The following PRKD1 variants were observed in gnomAD, a reference collection of about 807,000 sequenced individuals.
The protein encoded by PRKD1 is serine/threonine-protein kinase D1.
A neutral mutation model predicts 95.9 loss-of-function variants in PRKD1; 63 were observed. The observed-to-expected ratio is 0.66, with a 90% CI of 0.54 to 0.81. The LOEUF (loss-of-function observed/expected upper bound fraction) is 0.81. Ranked by LOEUF, PRKD1 falls within the 30% of genes least tolerant of loss-of-function variation. The pLI, the probability that PRKD1 is intolerant of heterozygous loss-of-function variation, is 0.00. For missense variants in PRKD1, 1,048 were observed against 1,165.3 expected, an observed-to-expected ratio of 0.90 and a Z score of 1.47; for synonymous variants, 425 against 423.1, an observed-to-expected ratio of 1.00 and a Z score of -0.05.
At chr14:29,717,155 ATTGAT>A (rs1464488777) in intron 2 of PRKD1, among the ~76,000 whole-genome samples, 3 of 152,306 alleles carry the variant, frequency 2.0e-5, no homozygotes, top group African/African-American at 7.2e-5. Context: ...TGTACATTTC[ATTGAT>A]TTAAGGATTC....
chr14:29,642,577 GT>G (rs997549166), intron 4 of PRKD1, among the ~76,000 whole-genome samples: 1 of 152,090 alleles, frequency 6.6e-6, no homozygotes, highest in African/African-American at 2.4e-5. Flanking sequence ...ATTATACAAA[GT>G]AAAGAGATTT....
intron 1 of PRKD1, among the ~76,000 whole-genome samples, chr14:29,727,651 A>G (rs1886226573): frequency 1.3e-5 from 2 of 151,606 alleles, no homozygotes. Context: ...TTAAATAGGG[A>G]ATCCTTTCCC....
At position 29,577,138 on chromosome 14, in the gene PRKD1, T is replaced by C; in HGVS notation, c.*100A>G. 1 of 1,245,694 alleles carries C rather than the reference T, an allele frequency of 8.0e-7. No homozygotes were observed. Among genetic ancestry groups the C allele is most frequent in the South Asian group, 1.3e-5 (1 of 75,120 alleles). The allele number at this position is 1,245,694 out of a possible 1,614,324, so 77.2% of individuals were successfully genotyped here. On this transcript the variant is annotated 3_prime_UTR_variant, in exon 18 of 18. Transcript: ENST00000331968. ...TAACAGTTTAACAGCTTTGTTCTCATCTGACAGAAAATAATGGCAGTTCTG... is the reference window on the plus strand; with the variant it reads ...TAACAGTTTAACAGCTTTGTTCTCACCTGACAGAAAATAATGGCAGTTCTG...
Position 29,639,045 on chromosome 14 carries a change from A to G in PRKD1, c.697-141T>C, listed in dbSNP as rs926629864. 3 of 621,854 alleles carry G rather than the reference A, an allele frequency of 4.8e-6. No individual in the cohort carries two copies. In the South Asian group the frequency reaches 8.9e-5, roughly 18 times the overall value. The allele number at this position is 621,854 out of a possible 1,614,324, so 38.5% of individuals were successfully genotyped here. ...ATGAAATCATACTGTATTTCTGTTAATTAATATAATTTACTTGCCTTCCCC... is the reference window on the plus strand; with the variant it reads ...ATGAAATCATACTGTATTTCTGTTAGTTAATATAATTTACTTGCCTTCCCC... On this transcript the variant is annotated intron_variant, in intron 4 of 17. Coordinates refer to ENST00000331968, the MANE Select transcript of PRKD1 (RefSeq NM_002742.3).
At chr14:29,624,388 G>T in intron 12 of PRKD1, 130 bp from the exon 13 acceptor site, 2 of 512,672 alleles carry the variant, frequency 3.9e-6, no homozygotes, top group Admixed American at 3.8e-5. Flanking sequence ...TTTCTAAAGA[G>T]CACTGACTTA....
chr14:29,715,557 T>C (rs1207379743), intron 2 of PRKD1, among the ~76,000 whole-genome samples: 1 of 152,114 alleles, frequency 6.6e-6, no homozygotes, highest in Non-Finnish European at 1.5e-5. Flanking sequence ...TTGTAACAAA[T>C]AGACAAAATA....
chr14:29,628,905 CA>C lies in PRKD1; in HGVS notation c.1725+135del, dbSNP rs538386129. On this transcript the variant is annotated intron_variant, in intron 11 of 17. Coordinates refer to ENST00000331968, the MANE Select transcript of PRKD1 (RefSeq NM_002742.3). ...ATAATTTAATATTTCTAAAATATCA[CA>C]AAAAAATATCCAAATTCTATTTTGC... 4.6e-3 allele frequency: 1,431 copies of C among 308,040 alleles called. 17 individuals are homozygous for C. The African/African-American group carries it at 0.078, about 17-fold the overall frequency. The allele number at this position is 308,040 out of a possible 1,614,324, so 19.1% of individuals were successfully genotyped here.
intron 4 of PRKD1, among the ~76,000 whole-genome samples, chr14:29,643,970 A>T (rs941270355): frequency 6.6e-6 from 1 of 152,222 alleles, no homozygotes; most frequent in Non-Finnish European, 1.5e-5. Context: ...ACTTTAGCAT[A>T]CACGCCAACA....
In PRKD1 at chr14:29,725,613, G is replaced by T; in HGVS notation, c.326C>A (p.Thr109Asn). 6.2e-7 allele frequency: 1 copy of T among 1,613,740 alleles called. No individual in the cohort carries two copies. Among genetic ancestry groups the T allele is most frequent in the Non-Finnish European group, 8.5e-7 (1 of 1,179,742 alleles). Residue 109 changes from threonine to asparagine, a missense_variant, in exon 2 of 18, where the codon ACC becomes AAC. By Grantham distance (65) the Thr-to-Asn change is moderately conservative. Coordinates refer to ENST00000331968, the MANE Select transcript of PRKD1 (RefSeq NM_002742.3). ...DKILLFRHDP[T>N]SENILQLVKA... ...CACCAGCTGAAGGATGTTTTCAGAG[G>T]TAGGGTCATGGCGAAAAAGCAGGAT...
chr14:29,732,284 T>C (rs1886479301), intron 1 of PRKD1, among the ~76,000 whole-genome samples: 1 of 152,154 alleles, frequency 6.6e-6, no homozygotes, highest in Admixed American at 6.5e-5. Context: ...TTTTTGTTAC[T>C]TTTTTTCCTT....
chr14:29,816,846 C>T lies in PRKD1; in HGVS notation c.265-91172G>A, dbSNP rs76700717. ...AATGGTTCCCACATATTGAAATGTC[C>T]TCAAATTCCTGGAATTCTAAGAGAC... On this transcript the variant is annotated intron_variant, in intron 1 of 17. Coordinates refer to ENST00000331968, the MANE Select transcript of PRKD1 (RefSeq NM_002742.3). Among the ~76,000 whole-genome samples, 1,735 of 152,194 alleles carry T rather than the reference C, an allele frequency of 0.011. 93 individuals are homozygous for T. In the East Asian group the frequency reaches 0.16, roughly 14 times the overall value.
chr14:29,730,358 T>C (rs1425641270), intron 1 of PRKD1, among the ~76,000 whole-genome samples: 1 of 151,762 alleles, frequency 6.6e-6, no homozygotes, highest in Non-Finnish European at 1.5e-5. Context: ...AAAAACAAAA[T>C]GAACAGATAA....
At chr14:29,857,123 T>C (rs1892535667) in intron 1 of PRKD1, among the ~76,000 whole-genome samples, 2 of 152,156 alleles carry the variant, frequency 1.3e-5, no homozygotes, top group Admixed American at 1.3e-4. Context: ...TTCAGGACTG[T>C]AGTAAAGACC....
intron 1 of PRKD1, among the ~76,000 whole-genome samples, chr14:29,858,574 A>C (rs1238294675): frequency 6.6e-6 from 1 of 152,080 alleles, no homozygotes; most frequent in African/African-American, 2.4e-5. Context: ...TCACTTCGAA[A>C]CACTAGAGAT....
chr14:29,905,761 C>T (rs1594617680), intron 1 of PRKD1, among the ~76,000 whole-genome samples: 1 of 152,178 alleles, frequency 6.6e-6, no homozygotes. Flanking sequence ...CAGCACGCAA[C>T]TGTTTGCTTA....
chr14:29,630,573 T>C, intron 10 of PRKD1, 169 bp downstream of exon 10: 1 of 729,984 alleles, frequency 1.4e-6, no homozygotes, highest in Non-Finnish European at 2.2e-6. Flanking sequence ...CTAAACATCT[T>C]AGTATGTGCA....
chr14:29,915,104 T>C (rs1894848070), intron 1 of PRKD1, among the ~76,000 whole-genome samples: 1 of 152,224 alleles, frequency 6.6e-6, no homozygotes, highest in Non-Finnish European at 1.5e-5. Flanking sequence ...AGTGATTCAT[T>C]GATTTACACT....
intron 2 of PRKD1, among the ~76,000 whole-genome samples, chr14:29,676,544 G>A (rs531208852): frequency 9.4e-4 from 143 of 152,200 alleles, no homozygotes; most frequent in Non-Finnish European, 1.5e-3. Context: ...TAGTAGAGAC[G>A]GGGTTTCACC....
chr14:29,680,902 G>A (rs1228995919), intron 2 of PRKD1, among the ~76,000 whole-genome samples: 1 of 152,164 alleles, frequency 6.6e-6, no homozygotes, highest in Non-Finnish European at 1.5e-5. Context: ...CGCGGAGGAG[G>A]AGAACCAGGA....
Sources: gnomAD v4.1 joint callset for allele counts (sites outside exome capture counted in the v4.1 genomes callset) on GRCh38, gnomAD v4.1.1 for gene constraint, MANE v1.5 for transcripts, NCBI Gene and HGNC (gene_info 2026-07-23, HGNC 2026-07-21) for gene names.